The following GALK2 variants were observed in gnomAD, a reference collection of about 807,000 sequenced individuals.
GALK2 encodes galactokinase 2.
A neutral mutation model predicts 52.4 loss-of-function variants in GALK2; 36 were observed. The ratio of observed to expected loss-of-function variants is 0.69; its 90% CI spans 0.53 to 0.91. The LOEUF is 0.91. Ranked by LOEUF, GALK2 falls within the 40% of genes least tolerant of loss-of-function variation. The pLI, the probability that GALK2 is intolerant of heterozygous loss-of-function variation, is 0.00. For synonymous variants in GALK2, 176 were observed against 199.1 expected (o/e 0.88, Z 0.98); for missense variants, 579 against 559.1 (o/e 1.04, Z -0.36).
At chr15:49,213,866 C>G (rs1309459225) in intron 2 of GALK2, among the ~76,000 whole-genome samples, 1 of 151,922 alleles carries the variant, frequency 6.6e-6, no homozygotes, top group African/African-American at 2.4e-5. Context: ...GCCTGTAATC[C>G]CAGCACGTTG....
At chr15:49,201,748 T>A (rs1409076436) in intron 2 of GALK2, among the ~76,000 whole-genome samples, 3 of 152,206 alleles carry the variant, frequency 2.0e-5, no homozygotes, top group Non-Finnish European at 4.4e-5. Context: ...CAACATTTTG[T>A]TTACTATCAT....
rs150158339 is a variant in GALK2 at position 49,255,174 on chromosome 15, A to C, written c.504+15807A>C. On this transcript the variant is annotated intron_variant, in intron 5 of 9. Coordinates refer to ENST00000560031, the MANE Select transcript of GALK2 (RefSeq NM_002044.4). ...CATATTCAAATTTCCCAATTGTCTC[A>C]ATAGTAATGTCCTTTAGAACTTCTT... Among the ~76,000 whole-genome samples the C allele has an allele frequency of 2.5e-3, 362 of 143,292 alleles. 31 individuals are homozygous for C. Among genetic ancestry groups the C allele is most frequent in the African/African-American group, 8.4e-3 (338 of 40,244 alleles). The allele number at this position is 143,292 out of a possible 152,430, so 94.0% of individuals were successfully genotyped here. A position where few individuals can be genotyped will look rare whatever the true frequency, so the allele number is the denominator to read the frequency against.
At chr15:49,268,561 G>A (rs780559314) in intron 5 of GALK2, among the ~76,000 whole-genome samples, 5 of 152,222 alleles carry the variant, frequency 3.3e-5, no homozygotes, top group Admixed American at 6.5e-5. Context: ...CACAGGTGGT[G>A]TAATGTAAGG....
chr15:49,342,292 CT>C (rs1397057295), intron 3 of GALK2, among the ~76,000 whole-genome samples: 16 of 152,114 alleles, frequency 1.1e-4, no homozygotes, highest in African/African-American at 3.1e-4. Context: ...TACCCTTTGT[CT>C]TTTTTTGACT....
intron 1 of GALK2, among the ~76,000 whole-genome samples, chr15:49,161,482 G>A (rs542729944): frequency 1.8e-4 from 27 of 152,138 alleles, no homozygotes; most frequent in Admixed American, 1.0e-3. Context: ...ACTTTATACC[G>A]TTAAGATACT....
At chr15:49,163,942 A>G (rs552721112) in intron 1 of GALK2, among the ~76,000 whole-genome samples, 121 of 152,172 alleles carry the variant, frequency 8.0e-4, no homozygotes, top group African/African-American at 2.7e-3. Flanking sequence ...ATTTTTTTTT[A>G]CTATATTAAT....
chr15:49,223,881 A>G (rs1418257834), intron 3 of GALK2, among the ~76,000 whole-genome samples: 1 of 150,622 alleles, frequency 6.6e-6, no homozygotes, highest in Non-Finnish European at 1.5e-5. Context: ...TTTTTAGAAT[A>G]ATTTATTTTC....
intron 1 of GALK2, among the ~76,000 whole-genome samples, chr15:49,173,845 G>C (rs1394534262): frequency 1.3e-5 from 2 of 152,080 alleles, no homozygotes; most frequent in Non-Finnish European, 2.9e-5. Flanking sequence ...GGGTTCAAGA[G>C]ATTCTCCTTG....
intron 3 of GALK2, among the ~76,000 whole-genome samples, chr15:49,359,851 A>C (rs1269993656): frequency 2.1e-5 from 3 of 142,152 alleles, no homozygotes; most frequent in Non-Finnish European, 3.1e-5. Context: ...AATGTCCAAA[A>C]ATGATAGACT....
At position 49,328,055 on chromosome 15, in the gene GALK2, C is replaced by T. The variant is rs767081825; in HGVS notation, c.1273C>T (p.His425Tyr). The T allele has an allele frequency of 6.2e-7, 1 of 1,614,012 alleles. No homozygotes were observed. The highest frequency in any genetic ancestry group is 1.7e-5 in the Admixed American group (1 of 60,008). Residue 425 changes from histidine (H) to tyrosine (Y), a missense_variant, in exon 10 of 10, where the codon CAC becomes TAC. His to Tyr is a moderately conservative substitution (Grantham distance 83). Coordinates refer to ENST00000560031, the MANE Select transcript of GALK2 (RefSeq NM_002044.4). The part of the protein sequence containing the change: ...DKLPSFLANV[H>Y]KAYYQRSDGS... ...GCTGCCCAGCTTTCTAGCAAATGTGCACAAAGCTTATTACCAGAGGAGTGA... is the reference window on the plus strand; with the variant it reads ...GCTGCCCAGCTTTCTAGCAAATGTGTACAAAGCTTATTACCAGAGGAGTGA...
At chr15:49,194,025 T>C (rs1389084573) in intron 1 of GALK2, 1 of 152,070 alleles carries the variant, frequency 6.6e-6, no homozygotes, top group Admixed American at 6.6e-5. Flanking sequence ...TAGCATTCTT[T>C]ATTAAAAATT....
rs577389554 is a variant in GALK2 at position 49,253,710 on chromosome 15, C to T, written c.504+14343C>T. On this transcript the variant is annotated intron_variant, in intron 5 of 9. Transcript: ENST00000560031. ...CAGAGCCCTGCCTCTCAGAGACTTC[C>T]TGGAGCCTAGCTATAGGAGTGTTTA... Among the ~76,000 whole-genome samples the T allele has an allele frequency of 5.5e-5, 8 of 144,326 alleles. 2 individuals carry two copies. The highest frequency in any genetic ancestry group is 2.0e-4 in the African/African-American group (8 of 40,378). The allele number at this position is 144,326 out of a possible 152,430, so 94.7% of individuals were successfully genotyped here.
At chr15:49,350,506 G>A (rs1329990932) in intron 3 of GALK2, among the ~76,000 whole-genome samples, 1 of 151,998 alleles carries the variant, frequency 6.6e-6, no homozygotes, top group Non-Finnish European at 1.5e-5. Flanking sequence ...GTTTTTACTG[G>A]GAGATGCTAC....
chr15:49,165,041 G>A (rs956181188), intron 1 of GALK2, among the ~76,000 whole-genome samples: 2 of 151,890 alleles, frequency 1.3e-5, no homozygotes, highest in Admixed American at 6.6e-5. Flanking sequence ...ATAATAGCAG[G>A]AGCTTTTTGT....
chr15:49,317,649 G>A (rs182824560), intron 8 of GALK2, among the ~76,000 whole-genome samples: 19 of 152,208 alleles, frequency 1.2e-4, no homozygotes, highest in African/African-American at 4.3e-4. Context: ...GCAAAGACTT[G>A]GAACCAACCC....
chr15:49,315,825 C>A (rs1182016835), intron 8 of GALK2, among the ~76,000 whole-genome samples: 1 of 152,148 alleles, frequency 6.6e-6, no homozygotes, highest in African/African-American at 2.4e-5. Flanking sequence ...TTGTGAGGTT[C>A]TGGTAGTCTG....
intron 2 of GALK2, among the ~76,000 whole-genome samples, 173 bp from the exon 3 acceptor site, chr15:49,217,017 T>G (rs895123678): frequency 2.0e-5 from 3 of 152,214 alleles, no homozygotes; most frequent in Non-Finnish European, 4.4e-5. Flanking sequence ...AGTTGCTCAA[T>G]TTGGTGTAAG....
intron 1 of GALK2, among the ~76,000 whole-genome samples, chr15:49,180,118 C>T (rs1001827312): frequency 1.3e-5 from 2 of 152,232 alleles, no homozygotes; most frequent in Admixed American, 6.5e-5. Context: ...AGGAAAATGA[C>T]AAAGTTTTAT....
rs189024622 is a variant in GALK2, at chr15:49,183,814, G to A, written c.53+13439G>A. On this transcript the variant is annotated intron_variant, in intron 1 of 9. Transcript: ENST00000560031. ...GCCAAGATCACACCATTGCACTCCA[G>A]CCTGGGCAACAAGAATGAAACTTTG... 3.5e-4 allele frequency among the ~76,000 whole-genome samples: 52 copies of A among 148,618 alleles called. 1 individual carries two copies. Among genetic ancestry groups the A allele is most frequent in the Admixed American group, 1.4e-3 (21 of 14,668 alleles).
Sources: allele counts gnomAD v4.1 joint callset (sites outside exome capture counted in the v4.1 genomes callset), GRCh38; gene constraint gnomAD v4.1.1; transcripts MANE v1.5; gene names NCBI Gene and HGNC (gene_info 2026-07-23, HGNC 2026-07-21).